Variants in RINT1 observed in about 807,000 individuals in gnomAD.
RINT1 encodes RAD50-interacting protein 1.
In RINT1, 75 loss-of-function variants were observed where a neutral mutation model predicts 97.7. The observed-to-expected ratio is 0.77, with a 90% CI of 0.64 to 0.93. RINT1 has a LOEUF of 0.93. Among genes scored for constraint, RINT1 ranks in the 40% least tolerant of loss-of-function variants. The probability of loss-of-function intolerance (pLI) is 0.00; values close to 1 mark genes in which losing one functional copy is unlikely to be tolerated. For synonymous variants in RINT1, 303 were observed against 326.3 expected, an observed-to-expected ratio of 0.93 and a Z score of 0.77; for missense variants, 892 against 925.2, an observed-to-expected ratio of 0.96 and a Z score of 0.47.
At chr7:105,552,603 C>T (rs1272172422) in intron 10 of RINT1, among the ~76,000 whole-genome samples, 3 of 150,298 alleles carry the variant, frequency 2.0e-5, no homozygotes, top group East Asian at 2.0e-4. Flanking sequence ...CTAGCCTGTC[C>T]GTTTCTTAGG....
chr7:105,549,328 G>A lies in RINT1; in HGVS notation c.996+618G>A, dbSNP rs551860433. 5.3e-4 allele frequency among the ~76,000 whole-genome samples: 80 copies of A among 151,588 alleles called. 1 individual carries two copies. Among genetic ancestry groups the A allele is most frequent in the African/African-American group, 1.8e-3 (73 of 41,356 alleles). ...GCTCTTAAACCTGTATAAGACATGCGTAGTTTTTGTAATGCAGACTAGCAA... is the reference window on the plus strand; with the variant it reads ...GCTCTTAAACCTGTATAAGACATGCATAGTTTTTGTAATGCAGACTAGCAA... On this transcript the variant is annotated intron_variant, in intron 7 of 14. Coordinates refer to ENST00000257700, the MANE Select transcript of RINT1 (RefSeq NM_021930.6).
intron 3 of RINT1, among the ~76,000 whole-genome samples, chr7:105,539,751 G>T (rs1182292582): frequency 6.6e-6 from 1 of 152,120 alleles, no homozygotes; most frequent in South Asian, 2.1e-4. Context: ...TCTTACTTCA[G>T]ACTTACTGTA....
Position 105,542,509 on chromosome 7 carries a change from T to C in RINT1, c.375T>C (p.Thr125=), listed in dbSNP as rs34064404. ...TTAATCAGTTTCTGGAGCAGGAAAC[T>C]CATCTCTTCAGCGCCATTAACAGCC... ...QFLNQFLEQE[T]HLFSAINSHL... Residue 125 remains threonine, a synonymous_variant, in exon 4 of 15, where the codon ACT becomes ACC. Coordinates refer to ENST00000257700, the MANE Select transcript of RINT1 (RefSeq NM_021930.6). 8.6e-4 allele frequency: 1,384 copies of C among 1,614,140 alleles called. 16 individuals carry two copies. In the African/African-American group the frequency reaches 0.017, roughly 19 times the overall value.
At chr7:105,551,440 A>G in intron 9 of RINT1, 130 bp from the exon 10 acceptor site, 3 of 726,096 alleles carry the variant, frequency 4.1e-6, no homozygotes, top group Non-Finnish European at 6.4e-6. Context: ...TAAATTTAGT[A>G]CAACCAGTGG....
intron 11 of RINT1, among the ~76,000 whole-genome samples, chr7:105,560,199 T>C (rs1180022245): frequency 6.6e-6 from 1 of 152,180 alleles, no homozygotes; most frequent in Non-Finnish European, 1.5e-5. Context: ...GTGCTGCTTC[T>C]CTGATAGTTT....
rs200209426 is a variant in RINT1, at chr7:105,532,767, T to G, written c.43-57T>G. 730 of 1,580,996 alleles carry G rather than the reference T, an allele frequency of 4.6e-4. 2 individuals carry two copies. The highest frequency in any genetic ancestry group is 1.0e-3 in the Middle Eastern group (6 of 6,014). ...GTGGGTGCCCTTTGGGAGCCCCGTA[T>G]GCTTTCCATCCACGACTTTAATCTT... On this transcript the variant is annotated intron_variant, in intron 1 of 14. Transcript: ENST00000257700.
Position 105,563,954 on chromosome 7 carries a change from C to T in RINT1, c.1886+7C>T, listed in dbSNP as rs370729917. 1 of 1,600,904 alleles carries T rather than the reference C, an allele frequency of 6.2e-7. No homozygotes were observed. Among genetic ancestry groups the T allele is most frequent in the Non-Finnish European group, 8.6e-7 (1 of 1,168,582 alleles). On this transcript the variant is annotated splice_region_variant and intron_variant, in intron 12 of 14. Coordinates refer to ENST00000257700, the MANE Select transcript of RINT1 (RefSeq NM_021930.6). ...AATTGTATAAAAAAGAAAGGTATGTCCTCTATGTAAGTCAGCTCTTAACAC... is the reference window on the plus strand; with the variant it reads ...AATTGTATAAAAAAGAAAGGTATGTTCTCTATGTAAGTCAGCTCTTAACAC...
chr7:105,548,505 G>A (rs1790777794), intron 6 of RINT1, 49 bp from the exon 7 acceptor site: 2 of 1,571,786 alleles, frequency 1.3e-6, no homozygotes, highest in Non-Finnish European at 1.8e-6. Context: ...ATATGTGTGT[G>A]TATATTAGGT....
At chr7:105,563,086 T>TA (rs1182916691) in intron 11 of RINT1, among the ~76,000 whole-genome samples, 1 of 151,330 alleles carries the variant, frequency 6.6e-6, no homozygotes, top group Non-Finnish European at 1.5e-5. Context: ...GAAGTGCTGA[T>TA]ACGTGTTACA....
At chr7:105,557,550 A>C (rs1226400168) in intron 11 of RINT1, among the ~76,000 whole-genome samples, 4 of 152,206 alleles carry the variant, frequency 2.6e-5, no homozygotes, top group African/African-American at 9.6e-5. Flanking sequence ...AAGGAAGTCT[A>C]GAAAGCATTA....
At chr7:105,564,660 T>A (rs1381944012) in intron 12 of RINT1, among the ~76,000 whole-genome samples, 6 of 152,184 alleles carry the variant, frequency 3.9e-5, no homozygotes, top group African/African-American at 1.4e-4. Flanking sequence ...ATTAGTCCTG[T>A]TTTTACTAAA....
At chr7:105,558,303 A>AAT (rs1305270300) in intron 11 of RINT1, among the ~76,000 whole-genome samples, 2 of 151,896 alleles carry the variant, frequency 1.3e-5, no homozygotes, top group Admixed American at 1.3e-4. Flanking sequence ...CAAAAAAAAA[A>AAT]AAAAAATAAA....
intron 6 of RINT1, among the ~76,000 whole-genome samples, chr7:105,547,810 C>T (rs574911791): frequency 6.6e-6 from 1 of 150,706 alleles, no homozygotes; most frequent in East Asian, 1.9e-4. Context: ...TCACCACAGC[C>T]TCCACCTCCC....
In RINT1 at chr7:105,559,716, G is replaced by A. The variant is rs183193341; in HGVS notation, c.1672-4017G>A. 3.7e-4 allele frequency among the ~76,000 whole-genome samples: 57 copies of A among 152,308 alleles called. 1 individual carries two copies. Among genetic ancestry groups the A allele is most frequent in the Non-Finnish European group, 7.3e-5 (5 of 68,028 alleles). On this transcript the variant is annotated intron_variant, in intron 11 of 14. Transcript: ENST00000257700. ...GCCTGGATGACAAGAGCAAAACTCT[G>A]TCTCAAAAAATAAAAAACAATAACT...
intron 3 of RINT1, among the ~76,000 whole-genome samples, chr7:105,540,919 C>A (rs924338535): frequency 6.7e-6 from 1 of 149,490 alleles, no homozygotes; most frequent in East Asian, 2.0e-4. Context: ...CCCACTGCAA[C>A]CTCTGCCTCC....
chr7:105,550,105 A>C lies in RINT1; in HGVS notation c.1047A>C (p.Glu349Asp), dbSNP rs749985500. 3 of 1,613,920 alleles carry C rather than the reference A, an allele frequency of 1.9e-6. No homozygotes were observed. The South Asian group carries it at 3.3e-5, about 18-fold the overall frequency. Residue 349 changes from glutamate (E) to aspartate (D), a missense_variant, in exon 8 of 15, where the codon GAA becomes GAC. By Grantham distance (45) the Glu-to-Asp change is conservative. Transcript: ENST00000257700. ...TTATGTGGATTGGAAACCATACTGA[A>C]TTTCTGGATGAGAAGATTCAGCCAA... Reference protein sequence around the residue: ...QVLMWIGNHTEFLDEKIQPIL... With the variant: ...QVLMWIGNHTDFLDEKIQPIL...
intron 1 of RINT1, 26 bp from the exon 2 acceptor site, chr7:105,532,798 G>T (rs1362187939): frequency 1.6e-5 from 26 of 1,613,362 alleles, no homozygotes; most frequent in Non-Finnish European, 2.2e-5. Context: ...ATCTTAATGT[G>T]CTTGTCACAT....
In RINT1 at chr7:105,555,071, C is replaced by T. The variant is rs746601551; in HGVS notation, c.1515C>T (p.Phe505=). ...NLPTASRKLQ[F]LELQKDLVDD... ...CCACAGCTTCCCGAAAGCTTCAGTT[C>T]CTGGAGTTACAGAAGGACTTAGTAG... is the stretch of plus-strand genomic sequence containing the variant. Residue 505 remains phenylalanine (F), a synonymous_variant, in exon 11 of 15, where the codon TTC becomes TTT. Coordinates refer to ENST00000257700, the MANE Select transcript of RINT1 (RefSeq NM_021930.6). 10 of 1,613,742 alleles carry T rather than the reference C, an allele frequency of 6.2e-6. No homozygotes were observed. In the African/African-American group the frequency reaches 8.0e-5, roughly 13 times the overall value.
At chr7:105,552,580 C>A (rs774002750) in intron 10 of RINT1, among the ~76,000 whole-genome samples, 1 of 151,770 alleles carries the variant, frequency 6.6e-6, no homozygotes, top group African/African-American at 2.4e-5. Context: ...GCCCTCTTCA[C>A]CTTCGTCAAC....
Sources: gnomAD v4.1 joint callset for allele counts (sites outside exome capture counted in the v4.1 genomes callset) on GRCh38, gnomAD v4.1.1 for gene constraint, MANE v1.5 for transcripts, NCBI Gene and HGNC (gene_info 2026-07-23, HGNC 2026-07-21) for gene names.